Variants in TRPM6 observed in about 807,000 individuals in gnomAD.
The protein encoded by TRPM6 is transient receptor potential cation channel subfamily M member 6.
A neutral mutation model predicts 247.6 loss-of-function variants in TRPM6; 111 were observed. The ratio of observed to expected loss-of-function variants is 0.45; its 90% confidence interval spans 0.38 to 0.52. The LOEUF (loss-of-function observed/expected upper bound fraction) is 0.52, where lower values mean the gene tolerates loss of function less well. Among genes scored for constraint, TRPM6 ranks in the 20% least tolerant of loss-of-function variants. The probability of loss-of-function intolerance (pLI) is 0.00; values close to 1 mark genes in which losing one functional copy is unlikely to be tolerated. For synonymous variants in TRPM6, 892 were observed against 853.8 expected (o/e 1.04, Z -0.78); for missense variants, 2,126 against 2,421.5 (o/e 0.88, Z 2.56).
intron 1 of TRPM6, among the ~76,000 whole-genome samples, chr9:74,873,385 T>C (rs1831088510): frequency 6.6e-6 from 1 of 152,196 alleles, no homozygotes; most frequent in Non-Finnish European, 1.5e-5. Context: ...GGGAACTGTC[T>C]GAAGTACAGC....
At chr9:74,807,880 G>C (rs1828585504) in intron 14 of TRPM6, among the ~76,000 whole-genome samples, 154 bp downstream of exon 14, 1 of 152,098 alleles carries the variant, frequency 6.6e-6, no homozygotes, top group Non-Finnish European at 1.5e-5. Context: ...GCAACACTTA[G>C]TACAGTATAC....
chr9:74,856,933 A>G (rs185293016), intron 2 of TRPM6, among the ~76,000 whole-genome samples: 2 of 152,346 alleles, frequency 1.3e-5, no homozygotes, highest in African/African-American at 4.8e-5. Context: ...TTCACTTGCT[A>G]AAAGTACATC....
Position 74,739,921 on chromosome 9 carries a change from T to C in TRPM6, c.5289A>G (p.Arg1763=). 1 of 1,614,014 alleles carries C rather than the reference T, an allele frequency of 6.2e-7. No homozygotes were observed. Among genetic ancestry groups the C allele is most frequent in the Admixed American group, 1.7e-5 (1 of 60,008 alleles). ...KSMSSWSQRG[R]AAMIQVLSRE... ...GGGACAATACCTGGATCATTGCCGCTCTCCCACGCTGAGACCAAGAGGACA... is the reference window on the plus strand; with the variant it reads ...GGGACAATACCTGGATCATTGCCGCCCTCCCACGCTGAGACCAAGAGGACA... Residue 1763 remains arginine, a synonymous_variant, in exon 34 of 39, where the codon AGA becomes AGG. Coordinates refer to ENST00000360774, the MANE Select transcript of TRPM6 (RefSeq NM_017662.5).
intron 23 of TRPM6, among the ~76,000 whole-genome samples, chr9:74,781,934 C>T (rs1259370903): frequency 2.0e-5 from 3 of 152,102 alleles, no homozygotes; most frequent in African/African-American, 4.8e-5. Flanking sequence ...CATGCAGAGA[C>T]GTTTTATCTT....
intron 32 of TRPM6, among the ~76,000 whole-genome samples, chr9:74,743,766 C>G (rs745916129): frequency 6.6e-6 from 1 of 152,176 alleles, no homozygotes; most frequent in Non-Finnish European, 1.5e-5. Flanking sequence ...TGCCTTTTCC[C>G]CAGTCCAAAA....
intron 31 of TRPM6, among the ~76,000 whole-genome samples, chr9:74,747,149 T>A (rs1313302203): frequency 6.6e-6 from 1 of 152,216 alleles, no homozygotes; most frequent in African/African-American, 2.4e-5. Context: ...GCACACCCCA[T>A]GGGCTAAAGA....
chr9:74,724,409 G>T lies in TRPM6; in HGVS notation c.*204C>A. 1.5e-6 allele frequency: 1 copy of T among 654,450 alleles called. No individual in the cohort carries two copies. Among genetic ancestry groups the T allele is most frequent in the Non-Finnish European group, 2.6e-6 (1 of 382,386 alleles). The allele number at this position is 654,450 out of a possible 1,614,324, so 40.5% of individuals were successfully genotyped here. ...TCGTGTGGAACTTGAGGATGGAGCT[G>T]CAAAGTGCCCTGGACAGAGGTCAGT... is the stretch of plus-strand genomic sequence containing the variant. On this transcript the variant is annotated 3_prime_UTR_variant, in exon 39 of 39. Transcript: ENST00000360774.
intron 5 of TRPM6, among the ~76,000 whole-genome samples, chr9:74,837,102 T>A (rs1829749158): frequency 6.6e-6 from 1 of 152,228 alleles, no homozygotes; most frequent in African/African-American, 2.4e-5. Context: ...CTAACACCTA[T>A]CCAAATGCTT....
chr9:74,850,158 G>C (rs551081996), intron 3 of TRPM6, among the ~76,000 whole-genome samples: 1 of 152,222 alleles, frequency 6.6e-6, no homozygotes, highest in African/African-American at 2.4e-5. Context: ...GATCACTTGA[G>C]GTCAGGCATT....
intron 28 of TRPM6, among the ~76,000 whole-genome samples, chr9:74,753,198 T>C (rs1350622175): frequency 6.6e-6 from 1 of 152,028 alleles, no homozygotes; most frequent in Non-Finnish European, 1.5e-5. Flanking sequence ...TGAGGTTCAT[T>C]ACTGTTATTC....
intron 3 of TRPM6, among the ~76,000 whole-genome samples, chr9:74,844,156 G>C (rs917819191): frequency 1.3e-5 from 2 of 152,172 alleles, no homozygotes; most frequent in African/African-American, 4.8e-5. Context: ...TTTTGGCATG[G>C]TAAATGAGGG....
At chr9:74,857,801 C>T (rs954133167) in intron 2 of TRPM6, 6 of 152,148 alleles carry the variant, frequency 3.9e-5, no homozygotes, top group East Asian at 1.9e-4. Context: ...GGAAGGAAAA[C>T]GGAACTGAAA....
chr9:74,768,967 G>T (rs1826921268), intron 25 of TRPM6, among the ~76,000 whole-genome samples: 1 of 152,184 alleles, frequency 6.6e-6, no homozygotes, highest in Non-Finnish European at 1.5e-5. Flanking sequence ...TTCCTTAAGG[G>T]TTGGAGGGGA....
chr9:74,875,336 A>T, intron 1 of TRPM6: 1 of 441,796 alleles, frequency 2.3e-6, no homozygotes, highest in South Asian at 1.6e-5. Flanking sequence ...TCAGGTCAGG[A>T]GTTCGAGACC....
At chr9:74,848,426 T>C (rs537209301) in intron 3 of TRPM6, among the ~76,000 whole-genome samples, 2 of 152,240 alleles carry the variant, frequency 1.3e-5, no homozygotes, top group African/African-American at 4.8e-5. Context: ...GTGTCCTAGG[T>C]TGGACAAAGC....
At chr9:74,862,917 G>A (rs1830733858) in intron 1 of TRPM6, among the ~76,000 whole-genome samples, 1 of 151,942 alleles carries the variant, frequency 6.6e-6, no homozygotes, top group South Asian at 2.1e-4. Flanking sequence ...GGAGGCAGAG[G>A]TTGCAGTGAG....
intron 25 of TRPM6, 103 bp from the exon 26 acceptor site, chr9:74,763,237 C>G: frequency 2.7e-6 from 3 of 1,113,382 alleles, no homozygotes; most frequent in South Asian, 2.6e-5. Context: ...TGAGCCTCAG[C>G]TGCTTCCCTA....
At chr9:74,839,289 T>C (rs1829835718) in intron 5 of TRPM6, among the ~76,000 whole-genome samples, 1 of 152,120 alleles carries the variant, frequency 6.6e-6, no homozygotes, top group Non-Finnish European at 1.5e-5. Flanking sequence ...GCTCCCCAGG[T>C]TGTCCTTATG....
chr9:74,762,592 G>C lies in TRPM6; in HGVS notation c.4079C>G (p.Thr1360Ser). The change falls in exon 26 of 39, where the codon ACT becomes AGT. Residue 1360 changes from threonine (T) to serine (S), a missense_variant. Thr to Ser is a moderately conservative substitution (Grantham distance 58). Transcript: ENST00000360774. ...AGAGGGTCTGGACAGAGGCAAGACA[G>C]TTTCTGCTGAAAAAGGAACTCGCTT... ...NLKRVPFSAE[T>S]VLPLSRPSVP... 1 of 1,614,208 alleles carries C rather than the reference G, an allele frequency of 6.2e-7. No homozygotes were observed. The highest frequency in any genetic ancestry group is 2.2e-5 in the East Asian group (1 of 44,874).
Sources: allele counts gnomAD v4.1 joint callset (sites outside exome capture counted in the v4.1 genomes callset), GRCh38; gene constraint gnomAD v4.1.1; transcripts MANE v1.5; gene names NCBI Gene and HGNC (gene_info 2026-07-23, HGNC 2026-07-21).